TEX9: variants seen among roughly 807,000 people sequenced by gnomAD.
TEX9 encodes the protein testis-expressed protein 9.
In TEX9, 74 loss-of-function variants were observed where a neutral mutation model predicts 59.6. The ratio of observed to expected loss-of-function variants is 1.24; its 90% CI spans 1.03 to 1.51. The LOEUF is 1.51. Ranked by LOEUF, TEX9 falls within the 40% of genes most tolerant of loss-of-function variation. The pLI is 0.00. For synonymous variants in TEX9, 186 were observed against 152.2 expected (o/e 1.22, Z -1.64); for missense variants, 522 against 447.8 (o/e 1.17, Z -1.49).
chr15:56,385,682 A>G (rs1443725651), intron 4 of TEX9, among the ~76,000 whole-genome samples: 1 of 151,892 alleles, frequency 6.6e-6, no homozygotes, highest in Non-Finnish European at 1.5e-5. Context: ...AGTTTGGGGG[A>G]AAGTTTTATC....
At chr15:56,345,245 G>A (rs1173706677) in intron 1 of TEX9, among the ~76,000 whole-genome samples, 1 of 151,916 alleles carries the variant, frequency 6.6e-6, no homozygotes, top group Admixed American at 6.6e-5. Context: ...GGTTAAAAGA[G>A]TAGATATTTT....
chr15:56,460,009 A>AAAAATATATATATATATATATATAT, the TEX9 span, among the ~76,000 whole-genome samples: 6 of 26,386 alleles, frequency 2.3e-4, no homozygotes, highest in Non-Finnish European at 2.8e-4. Context: ...AAAAAAAAAA[A>AAAAATATATATATATATATATATAT]ATACATATAT....
At chr15:56,427,768 A>T in intron 11 of TEX9, 29 bp downstream of exon 11, 1 of 1,410,920 alleles carries the variant, frequency 7.1e-7, no homozygotes, top group Non-Finnish European at 9.4e-7. Flanking sequence ...TTAAATCATC[A>T]TATTATTTGT....
intron 1 of TEX9, among the ~76,000 whole-genome samples, chr15:56,283,728 G>A (rs2044874564): frequency 6.6e-6 from 1 of 151,972 alleles, no homozygotes; most frequent in African/African-American, 2.4e-5. Context: ...ATTTAACTGT[G>A]TGAATATTTA....
intron 1 of TEX9, among the ~76,000 whole-genome samples, chr15:56,255,702 A>G (rs1210323955): frequency 6.6e-6 from 1 of 152,112 alleles, no homozygotes; most frequent in Non-Finnish European, 1.5e-5. Context: ...AAATCTAAGA[A>G]TATAACATCA....
the TEX9 span, among the ~76,000 whole-genome samples, chr15:56,453,029 A>G: frequency 6.6e-6 from 1 of 152,092 alleles, no homozygotes; most frequent in South Asian, 2.1e-4. Context: ...TTTATTCTCT[A>G]TTAGTCAGTT....
chr15:56,311,800 C>A (rs1834999410), intron 1 of TEX9, among the ~76,000 whole-genome samples: 1 of 147,704 alleles, frequency 6.8e-6, no homozygotes, highest in Non-Finnish European at 1.5e-5. Context: ...TCCTCTCCAG[C>A]ACCTGTTGTT....
At chr15:56,432,437 T>C (rs1334459386) in intron 12 of TEX9, among the ~76,000 whole-genome samples, 1 of 152,174 alleles carries the variant, frequency 6.6e-6, no homozygotes, top group African/African-American at 2.4e-5. Context: ...GGAATGTCTC[T>C]GAAATCCAAA....
intron 1 of TEX9, among the ~76,000 whole-genome samples, chr15:56,264,411 A>G (rs1272079478): frequency 6.6e-6 from 1 of 152,092 alleles, no homozygotes; most frequent in African/African-American, 2.4e-5. Flanking sequence ...TCTTTCACAA[A>G]GTTTTTTCCC....
intron 1 of TEX9, among the ~76,000 whole-genome samples, chr15:56,356,476 T>C (rs1428007253): frequency 6.6e-6 from 1 of 152,104 alleles, no homozygotes. Context: ...AATACTCCAC[T>C]AGTGTTTTTT....
At chr15:56,415,265 T>C (rs1373426034) in intron 10 of TEX9, among the ~76,000 whole-genome samples, 2 of 151,968 alleles carry the variant, frequency 1.3e-5, no homozygotes, top group East Asian at 3.8e-4. Flanking sequence ...CAGTTTTTGC[T>C]TTTGTTGCAG....
intron 1 of TEX9, among the ~76,000 whole-genome samples, chr15:56,317,734 T>C (rs1454500879): frequency 6.6e-6 from 1 of 152,220 alleles, no homozygotes; most frequent in Non-Finnish European, 1.5e-5. Flanking sequence ...TCTCAAGGTA[T>C]TTCCTAATTT....
intron 2 of TEX9, among the ~76,000 whole-genome samples, chr15:56,367,165 A>G (rs2046983517): frequency 1.3e-5 from 2 of 152,218 alleles, no homozygotes; most frequent in African/African-American, 4.8e-5. Context: ...GAGTTACTTT[A>G]TAAAACGAGA....
chr15:56,272,937 T>A (rs1311048860), intron 1 of TEX9, among the ~76,000 whole-genome samples: 13 of 142,932 alleles, frequency 9.1e-5, no homozygotes, highest in Non-Finnish European at 1.5e-4. Context: ...TTTATTTATT[T>A]ATTTTTTTTG....
intron 12 of TEX9, chr15:56,431,405 G>A (rs1318600305): frequency 6.2e-7 from 1 of 1,613,234 alleles, no homozygotes; most frequent in South Asian, 1.1e-5. Context: ...TTTGTAGCAT[G>A]CTCTTTAAGA....
intron 1 of TEX9, among the ~76,000 whole-genome samples, chr15:56,244,439 T>G (rs1385800031): frequency 6.6e-6 from 1 of 152,008 alleles, no homozygotes; most frequent in Non-Finnish European, 1.5e-5. Context: ...TGGCCCCACT[T>G]TAACTATCCA....
the TEX9 span, among the ~76,000 whole-genome samples, chr15:56,459,481 C>G: frequency 6.6e-6 from 1 of 152,066 alleles, no homozygotes; most frequent in Non-Finnish European, 1.5e-5. Flanking sequence ...ATATTTAGTA[C>G]CCAGCTACAC....
intron 7 of TEX9, among the ~76,000 whole-genome samples, chr15:56,392,383 G>A (rs1036955370): frequency 3.9e-5 from 6 of 152,048 alleles, no homozygotes; most frequent in Admixed American, 6.5e-5. Flanking sequence ...ACGAACAAGA[G>A]ACGGGGGAGG....
At chr15:56,350,327 C>T (rs1451159405) in intron 1 of TEX9, among the ~76,000 whole-genome samples, 2 of 152,176 alleles carry the variant, frequency 1.3e-5, no homozygotes, top group African/African-American at 2.4e-5. Context: ...ACATGTCCCA[C>T]ATAACCTTTG....
Sources: gnomAD v4.1 joint callset for allele counts (sites outside exome capture counted in the v4.1 genomes callset) on GRCh38, gnomAD v4.1.1 for gene constraint, MANE v1.5 for transcripts, NCBI Gene and HGNC (gene_info 2026-07-23, HGNC 2026-07-21) for gene names.